Variants in GATAD2A observed in about 807,000 individuals in gnomAD.
GATAD2A encodes the protein GATA zinc finger domain containing 2A.
A neutral mutation model predicts 68.5 loss-of-function variants in GATAD2A; 12 were observed. That is an observed-to-expected ratio of 0.18 (90% confidence interval 0.11 to 0.28). GATAD2A has a LOEUF of 0.28. Among genes scored for constraint, GATAD2A ranks in the 10% least tolerant of loss-of-function variants. GATAD2A has a pLI of 1.00. For missense variants in GATAD2A, 755 were observed against 868.5 expected, an observed-to-expected ratio of 0.87 and a Z score of 1.64; for synonymous variants, 410 against 375.3, an observed-to-expected ratio of 1.09 and a Z score of -1.07.
chr19:19,413,767 T>C (rs2051251735), intron 1 of GATAD2A, among the ~76,000 whole-genome samples: 1 of 152,110 alleles, frequency 6.6e-6, no homozygotes, highest in Admixed American at 6.5e-5. Context: ...GTATTTTTAG[T>C]AGAGATGGGG....
chr19:19,474,418 G>A (rs1007286834), intron 2 of GATAD2A, among the ~76,000 whole-genome samples: 1 of 152,174 alleles, frequency 6.6e-6, no homozygotes, highest in Non-Finnish European at 1.5e-5. Context: ...AGCCCTTCCT[G>A]TTTTGGTGCT....
chr19:19,418,573 G>A (rs2147223008), intron 1 of GATAD2A, among the ~76,000 whole-genome samples: 1 of 152,182 alleles, frequency 6.6e-6, no homozygotes, highest in South Asian at 2.1e-4. Flanking sequence ...GGAGCTGGTT[G>A]GGAACCCACA....
At chr19:19,475,606 A>T (rs1015984988) in intron 2 of GATAD2A, among the ~76,000 whole-genome samples, 2 of 152,036 alleles carry the variant, frequency 1.3e-5, no homozygotes, top group Non-Finnish European at 2.9e-5. Flanking sequence ...GGCCCCAGGG[A>T]GTGCCTTCAC....
At chr19:19,393,859 C>T (rs373682159) in intron 1 of GATAD2A, among the ~76,000 whole-genome samples, 8 of 151,056 alleles carry the variant, frequency 5.3e-5, no homozygotes, top group African/African-American at 7.3e-5. Context: ...AGAATGGTCA[C>T]GGCAGGGAGC....
intron 1 of GATAD2A, among the ~76,000 whole-genome samples, chr19:19,452,600 C>T (rs1004629506): frequency 1.3e-5 from 2 of 151,312 alleles, no homozygotes; most frequent in Non-Finnish European, 3.0e-5. Context: ...GGTGAAGTGA[C>T]GTGCAGAATT....
intron 7 of GATAD2A, among the ~76,000 whole-genome samples, chr19:19,496,991 T>TG (rs1395457943): frequency 6.6e-6 from 1 of 152,260 alleles, no homozygotes; most frequent in South Asian, 2.1e-4. Context: ...AGATGGCTAG[T>TG]CCTGGACTGA....
Position 19,505,481 on chromosome 19 carries a change from C to A in GATAD2A, c.*7C>A. Reference sequence around the variant, plus strand: ...GTCAGCCACGTGGAAATAGTGCGAGCCAGGCCCCGTGGAAGACGGGCTCCC... The same window carrying A: ...GTCAGCCACGTGGAAATAGTGCGAGACAGGCCCCGTGGAAGACGGGCTCCC... On this transcript the variant is annotated 3_prime_UTR_variant, in exon 12 of 12. Transcript: ENST00000683918. The A allele has an allele frequency of 6.3e-7, 1 of 1,575,160 alleles. No homozygotes were observed.
At chr19:19,471,710 G>T (rs921387383) in intron 2 of GATAD2A, among the ~76,000 whole-genome samples, 1 of 152,060 alleles carries the variant, frequency 6.6e-6, no homozygotes, top group Non-Finnish European at 1.5e-5. Context: ...TTAAATGAAG[G>T]TTAAAATAGT....
chr19:19,423,037 CGTT>C (rs2052619997), intron 1 of GATAD2A, among the ~76,000 whole-genome samples: 2 of 151,952 alleles, frequency 1.3e-5, no homozygotes, highest in Non-Finnish European at 2.9e-5. Flanking sequence ...GTTAGGATTT[CGTT>C]CTGTCATCCA....
At chr19:19,405,419 T>A (rs1194374023), upstream of GATAD2A, among the ~76,000 whole-genome samples, 1 of 152,132 alleles carries the variant, frequency 6.6e-6, no homozygotes, top group Admixed American at 6.5e-5. Flanking sequence ...CCCGCCCGGC[T>A]TTGCCGCCGG....
intron 1 of GATAD2A, among the ~76,000 whole-genome samples, chr19:19,443,972 A>G (rs1213567776): frequency 6.6e-6 from 1 of 152,108 alleles, no homozygotes; most frequent in Non-Finnish European, 1.5e-5. Flanking sequence ...TTCTGTAATT[A>G]CAACACTCAC....
chr19:19,435,145 C>T (rs772323098), intron 1 of GATAD2A: 6 of 531,444 alleles, frequency 1.1e-5, no homozygotes, highest in East Asian at 5.5e-5. Context: ...CCTGCCTCTA[C>T]GGTTGCCTTG....
At chr19:19,396,953 C>G (rs1367045623) in intron 1 of GATAD2A, among the ~76,000 whole-genome samples, 1 of 152,138 alleles carries the variant, frequency 6.6e-6, no homozygotes, top group East Asian at 1.9e-4. Context: ...GTAATCTGCC[C>G]AACTCAGCAT....
chr19:19,505,257 G>A, intron 11 of GATAD2A, 87 bp from the exon 12 acceptor site: 5 of 1,322,488 alleles, frequency 3.8e-6, no homozygotes, highest in Non-Finnish European at 5.3e-6. Context: ...CTGTATTGGG[G>A]CTGGGGTCTA....
intron 1 of GATAD2A, among the ~76,000 whole-genome samples, chr19:19,437,275 C>T (rs778962722): frequency 2.4e-4 from 37 of 152,156 alleles, no homozygotes; most frequent in Admixed American, 2.4e-3. Context: ...GGAATACAGG[C>T]GTGTGCAACC....
At chr19:19,443,257 T>C (rs2055314104) in intron 1 of GATAD2A, among the ~76,000 whole-genome samples, 1 of 151,736 alleles carries the variant, frequency 6.6e-6, no homozygotes, top group South Asian at 2.1e-4. Context: ...CCAAGGAGAG[T>C]GTCCTGTGCT....
chr19:19,454,255 C>T (rs1020576282), intron 1 of GATAD2A, among the ~76,000 whole-genome samples: 3 of 151,030 alleles, frequency 2.0e-5, no homozygotes, highest in South Asian at 2.1e-4. Flanking sequence ...CTTGGCCTCC[C>T]GAAGTGCTGG....
At chr19:19,437,586 T>C (rs2054514083) in intron 1 of GATAD2A, among the ~76,000 whole-genome samples, 1 of 152,190 alleles carries the variant, frequency 6.6e-6, no homozygotes, top group Admixed American at 6.5e-5. Context: ...TAGCAGTCAC[T>C]CCTCATCTCC....
intron 1 of GATAD2A, among the ~76,000 whole-genome samples, chr19:19,420,594 C>T (rs1241266374): frequency 6.6e-6 from 1 of 151,676 alleles, no homozygotes; most frequent in Non-Finnish European, 1.5e-5. Flanking sequence ...CCCGCCTTGG[C>T]CTCCGAAAGT....
Sources: allele counts gnomAD v4.1 joint callset (sites outside exome capture counted in the v4.1 genomes callset), GRCh38; gene constraint gnomAD v4.1.1; transcripts MANE v1.5; gene names NCBI Gene and HGNC (gene_info 2026-07-23, HGNC 2026-07-21).